Variants in PATE4 observed in about 807,000 individuals in gnomAD.
The protein encoded by PATE4 is prostate and testis expressed 4, also known as prostate and testis expressed protein 4.
In PATE4, 13 loss-of-function variants were observed where a neutral mutation model predicts 8.5. The observed-to-expected ratio is 1.53, with a 90% CI of 1.00 to 2.43. PATE4 has a LOEUF of 2.43. Among genes scored for constraint, PATE4 ranks in the 30% most tolerant of loss-of-function variants. The probability of loss-of-function intolerance (pLI) is 0.00; values close to 1 mark genes in which losing one functional copy is unlikely to be tolerated. For missense variants in PATE4, 127 were observed against 115.5 expected, an observed-to-expected ratio of 1.10 and a Z score of -0.46; for synonymous variants, 47 against 39.3, an observed-to-expected ratio of 1.20 and a Z score of -0.73.
chr11:125,836,962 A>G (rs1282330507), intron 1 of PATE4, among the ~76,000 whole-genome samples: 1 of 152,232 alleles, frequency 6.6e-6, no homozygotes, highest in Non-Finnish European at 1.5e-5. Flanking sequence ...AATTGGATTT[A>G]TCATTAAGAG....
chr11:125,833,464 T>TG (rs771379749), intron 1 of PATE4, 47 bp downstream of exon 1: 87 of 1,493,434 alleles, frequency 5.8e-5, no homozygotes, highest in Admixed American at 2.0e-4. Context: ...AGGGGTGCTG[T>TG]TCTCTAAACC....
At chr11:125,838,168 G>A (rs1324614716) in intron 2 of PATE4, 138 bp from the exon 3 acceptor site, 10 of 1,086,256 alleles carry the variant, frequency 9.2e-6, no homozygotes, top group East Asian at 7.8e-5. Flanking sequence ...AGCCAGTTAC[G>A]GTGGCGATTG....
chr11:125,834,864 G>C (rs1943909004), intron 1 of PATE4: 1 of 152,138 alleles, frequency 6.6e-6, no homozygotes, highest in Admixed American at 6.5e-5. Flanking sequence ...TCAAAGTGCA[G>C]AGTATGCATA....
At position 125,836,796 on chromosome 11, in the gene PATE4, A is replaced by T. The variant is rs560495271; in HGVS notation, c.59-1072A>T. On this transcript the variant is annotated intron_variant, in intron 1 of 2. Transcript: ENST00000457514. ...TCTTTGCATTCCCAGCACCTAAAAA[A>T]ATGTCCAGAATGTGGAACATGCTCA... 4.6e-5 allele frequency among the ~76,000 whole-genome samples: 7 copies of T among 152,318 alleles called. No homozygotes were observed. The South Asian group carries it at 1.2e-3, about 27-fold the overall frequency.
intron 1 of PATE4, chr11:125,835,667 C>A (rs1490698317): frequency 6.6e-6 from 1 of 152,132 alleles, no homozygotes; most frequent in African/African-American, 2.4e-5. Flanking sequence ...AAAATGAGTT[C>A]TCCTGGCTCA....
intron 2 of PATE4, 60 bp downstream of exon 2, chr11:125,838,044 G>A (rs1943932905): frequency 3.1e-6 from 4 of 1,310,822 alleles, no homozygotes; most frequent in Non-Finnish European, 4.3e-6. Context: ...TCTTGCTAGT[G>A]CCTGGAATAA....
At chr11:125,838,052 T>C in intron 2 of PATE4, 68 bp downstream of exon 2, 1 of 1,253,654 alleles carries the variant, frequency 8.0e-7, no homozygotes, top group Non-Finnish European at 1.1e-6. Flanking sequence ...GTGCCTGGAA[T>C]AAAGAACTCG....
chr11:125,834,220 A>C (rs1367601945), intron 1 of PATE4, among the ~76,000 whole-genome samples: 1 of 152,216 alleles, frequency 6.6e-6, no homozygotes, highest in Non-Finnish European at 1.5e-5. Context: ...TAAAAGAAAA[A>C]CTGACAAATT....
chr11:125,833,502 T>G (rs2134199444), intron 1 of PATE4, 85 bp downstream of exon 1: 1 of 1,279,256 alleles, frequency 7.8e-7, no homozygotes, highest in Middle Eastern at 1.9e-4. Flanking sequence ...ACTCACATGC[T>G]CCAGCTGAGA....
In PATE4 at chr11:125,838,528, T is replaced by C; in HGVS notation, c.*101T>C. The C allele has an allele frequency of 7.2e-7, 1 of 1,385,886 alleles. No individual in the cohort carries two copies. Among genetic ancestry groups the C allele is most frequent in the Non-Finnish European group, 9.5e-7 (1 of 1,051,958 alleles). 85.8% of individuals were successfully genotyped at this position (1,385,886 alleles called of 1,614,324 possible). ...TCCCACACCAAATTCCACACTGGCCTAAGATCCCAGAGAGAGCTGCAGGGG... is the reference window on the plus strand; with the variant it reads ...TCCCACACCAAATTCCACACTGGCCCAAGATCCCAGAGAGAGCTGCAGGGG... On this transcript the variant is annotated 3_prime_UTR_variant, in exon 3 of 3. Coordinates refer to ENST00000457514, the MANE Select transcript of PATE4 (RefSeq NM_001144874.1).
chr11:125,835,124 T>G (rs1346691988), intron 1 of PATE4: 1 of 152,184 alleles, frequency 6.6e-6, no homozygotes, highest in African/African-American at 2.4e-5. Context: ...ATTTTTAGAA[T>G]GTTGAAATTG....
At chr11:125,837,778 G>T in intron 1 of PATE4, 90 bp from the exon 2 acceptor site, 3 of 833,882 alleles carry the variant, frequency 3.6e-6, no homozygotes, top group South Asian at 3.4e-5. Context: ...GGACAGTATC[G>T]TCAATATGCA....
Position 125,838,844 on chromosome 11 carries a change from TG to T in PATE4, c.*419del, listed in dbSNP as rs1943939751. Reference sequence around the variant, plus strand: ...TTGCATTATCTGGGGGGGCCCTAAGTGGAATCAAAATGCAAAATGCAATAAG... The same window carrying T: ...TTGCATTATCTGGGGGGGCCCTAAGTGAATCAAAATGCAAAATGCAATAAG... On this transcript the variant is annotated 3_prime_UTR_variant, in exon 3 of 3. Transcript: ENST00000457514. The T allele has an allele frequency of 6.3e-6, 1 of 159,836 alleles. No homozygotes were observed. The allele number at this position is 159,836 out of a possible 1,614,324, so 9.9% of individuals were successfully genotyped here.
chr11:125,837,873 G>T lies in PATE4; in HGVS notation c.64G>T (p.Gly22Cys), dbSNP rs770308271. ...LSFLYLKEVM[G>C]LKCNTCIYTE... ...CTATTCTCTCCACCCTGCAGTTATG[G>T]GTCTGAAGTGTAATACCTGCATATA... is the stretch of plus-strand genomic sequence containing the variant. Residue 22 changes from glycine to cysteine, a missense_variant, in exon 2 of 3, where the codon GGT becomes TGT. Gly to Cys is a radical substitution (Grantham distance 159). Coordinates refer to ENST00000457514, the MANE Select transcript of PATE4 (RefSeq NM_001144874.1). 2 of 1,549,962 alleles carry T rather than the reference G, an allele frequency of 1.3e-6. No individual in the cohort carries two copies. Among genetic ancestry groups the T allele is most frequent in the South Asian group, 1.2e-5 (1 of 83,982 alleles).
chr11:125,833,474 C>A, intron 1 of PATE4, 57 bp downstream of exon 1: 1 of 1,451,872 alleles, frequency 6.9e-7, no homozygotes, highest in South Asian at 1.2e-5. Context: ...TTCTCTAAAC[C>A]TCTACTCTCC....
chr11:125,836,691 T>C (rs1327079447), intron 1 of PATE4, among the ~76,000 whole-genome samples: 1 of 152,214 alleles, frequency 6.6e-6, no homozygotes, highest in Admixed American at 6.5e-5. Context: ...AGTTTATTTC[T>C]TGATATTATA....
At chr11:125,838,059 C>G in intron 2 of PATE4, 75 bp downstream of exon 2, 1 of 1,211,100 alleles carries the variant, frequency 8.3e-7, no homozygotes, top group Non-Finnish European at 1.2e-6. Flanking sequence ...GAATAAAGAA[C>G]TCGATATCAT....
intron 1 of PATE4, among the ~76,000 whole-genome samples, chr11:125,833,692 C>T (rs995820734): frequency 6.6e-6 from 1 of 152,130 alleles, no homozygotes; most frequent in African/African-American, 2.4e-5. Flanking sequence ...ATATACTTTT[C>T]TCCTTTATTA....
intron 2 of PATE4, 22 bp from the exon 3 acceptor site, chr11:125,838,284 T>A: frequency 6.5e-7 from 1 of 1,529,154 alleles, no homozygotes; most frequent in Non-Finnish European, 8.8e-7. Flanking sequence ...CCAGCATTTA[T>A]AACAGGCTTC....
Sources: allele counts gnomAD v4.1 joint callset (sites outside exome capture counted in the v4.1 genomes callset), GRCh38; gene constraint gnomAD v4.1.1; transcripts MANE v1.5; gene names NCBI Gene and HGNC (gene_info 2026-07-23, HGNC 2026-07-21).